DPYD: variants seen among roughly 807,000 people sequenced by gnomAD.
DPYD encodes the protein dihydropyrimidine dehydrogenase [NADP(+)].
In DPYD, 109 loss-of-function variants were observed where a neutral mutation model predicts 116.2. The observed-to-expected ratio is 0.94, with a 90% CI of 0.80 to 1.10. The LOEUF is 1.10. Ranked by LOEUF, DPYD falls within the 50% of genes least tolerant of loss-of-function variation. The pLI is 0.00. For missense variants in DPYD, 1,302 were observed against 1,254.5 expected (o/e 1.04, Z -0.57); for synonymous variants, 440 against 432.0 (o/e 1.02, Z -0.23).
chr1:97,880,622 T>G (rs890596158), intron 2 of DPYD, among the ~76,000 whole-genome samples: 2 of 151,986 alleles, frequency 1.3e-5, no homozygotes, highest in African/African-American at 4.8e-5. Context: ...AGATTACTAT[T>G]TTAACATAGA....
intron 8 of DPYD, among the ~76,000 whole-genome samples, chr1:97,664,760 T>C (rs902279832): frequency 2.6e-5 from 4 of 152,114 alleles, no homozygotes; most frequent in African/African-American, 7.2e-5. Flanking sequence ...TTTAAGATAA[T>C]GCTGCCTTTA....
intron 12 of DPYD, chr1:97,546,798 G>A: frequency 1.2e-6 from 2 of 1,612,960 alleles, no homozygotes; most frequent in South Asian, 1.1e-5. Flanking sequence ...ATATGGGTTT[G>A]GATCAGATTA....
intron 10 of DPYD, among the ~76,000 whole-genome samples, chr1:97,587,353 A>G (rs1262217099): frequency 1.3e-5 from 2 of 152,206 alleles, no homozygotes; most frequent in African/African-American, 4.8e-5. Context: ...ATTACCTTCC[A>G]TGAAGAACAC....
At chr1:97,406,578 G>A (rs1467932461) in intron 14 of DPYD, among the ~76,000 whole-genome samples, 2 of 101,578 alleles carry the variant, frequency 2.0e-5, no homozygotes, top group Non-Finnish European at 3.7e-5. Flanking sequence ...ACAGGCCCCA[G>A]TGTGTGATGT....
At chr1:97,140,543 C>T (rs1219165486) in intron 20 of DPYD, among the ~76,000 whole-genome samples, 1 of 152,102 alleles carries the variant, frequency 6.6e-6, no homozygotes, top group Non-Finnish European at 1.5e-5. Context: ...GCCATAAGAG[C>T]ACTACACAAT....
intron 6 of DPYD, among the ~76,000 whole-genome samples, chr1:97,692,891 T>C (rs1025410792): frequency 6.6e-6 from 1 of 152,160 alleles, no homozygotes; most frequent in Non-Finnish European, 1.5e-5. Flanking sequence ...GGATCATCAA[T>C]TGAAAAATCT....
At chr1:97,480,710 G>A (rs1178738213) in intron 13 of DPYD, among the ~76,000 whole-genome samples, 1 of 152,218 alleles carries the variant, frequency 6.6e-6, no homozygotes, top group Admixed American at 6.5e-5. Context: ...GCTGGGCACG[G>A]TGGCTCACGC....
chr1:97,871,101 T>C (rs1671637927), intron 2 of DPYD, among the ~76,000 whole-genome samples: 2 of 151,968 alleles, frequency 1.3e-5, no homozygotes, highest in African/African-American at 4.8e-5. Flanking sequence ...TGTTTCTTAT[T>C]TGCAAATACA....
chr1:97,523,618 A>G (rs1250538557), intron 12 of DPYD, among the ~76,000 whole-genome samples: 1 of 152,096 alleles, frequency 6.6e-6, no homozygotes, highest in Non-Finnish European at 1.5e-5. Context: ...CTCCTTCAAA[A>G]TATTTTTTGC....
chr1:97,415,217 T>C (rs1217306234), intron 14 of DPYD, among the ~76,000 whole-genome samples: 1 of 152,148 alleles, frequency 6.6e-6, no homozygotes, highest in African/African-American at 2.4e-5. Context: ...TCAACACACA[T>C]AGTTTTCAGA....
chr1:97,293,558 C>T (rs1223872376), intron 18 of DPYD, among the ~76,000 whole-genome samples: 1 of 152,212 alleles, frequency 6.6e-6, no homozygotes, highest in East Asian at 1.9e-4. Flanking sequence ...ACATCTAACA[C>T]ATAGTAAGAT....
chr1:97,294,663 TAGA>T (rs1666413171), intron 18 of DPYD, among the ~76,000 whole-genome samples: 1 of 152,194 alleles, frequency 6.6e-6, no homozygotes, highest in African/African-American at 2.4e-5. Flanking sequence ...GCATCACAGT[TAGA>T]CTGAGTGCTC....
At chr1:97,630,459 T>A (rs1337813214) in intron 8 of DPYD, among the ~76,000 whole-genome samples, 1 of 152,090 alleles carries the variant, frequency 6.6e-6, no homozygotes, top group Non-Finnish European at 1.5e-5. Context: ...TTGGGGTGCC[T>A]GCTCCTTCCT....
intron 8 of DPYD, among the ~76,000 whole-genome samples, chr1:97,609,891 GA>G (rs1655827473): frequency 6.6e-6 from 1 of 151,864 alleles, no homozygotes; most frequent in South Asian, 2.1e-4. Flanking sequence ...CTACATTTTG[GA>G]ATGATTTTAG....
chr1:97,342,464 T>G (rs969122219), intron 16 of DPYD, among the ~76,000 whole-genome samples: 19 of 152,208 alleles, frequency 1.2e-4, no homozygotes, highest in Admixed American at 4.6e-4. Context: ...TGAAACATTC[T>G]TATTACTTCA....
At chr1:97,540,545 A>G (rs75027277) in intron 12 of DPYD, among the ~76,000 whole-genome samples, 11,329 of 152,218 alleles carry the variant, frequency 0.074, 520 homozygotes, top group East Asian at 0.14. Flanking sequence ...CCTTCTTGGC[A>G]CACGGAAGCG....
chr1:97,183,408 G>C (rs1657780749), intron 20 of DPYD, among the ~76,000 whole-genome samples: 1 of 151,986 alleles, frequency 6.6e-6, no homozygotes, highest in Non-Finnish European at 1.5e-5. Context: ...AAAATCAATT[G>C]AGTGTATATG....
At chr1:97,809,041 G>T (rs1017513251) in intron 3 of DPYD, among the ~76,000 whole-genome samples, 9 of 152,128 alleles carry the variant, frequency 5.9e-5, no homozygotes, top group Non-Finnish European at 8.8e-5. Flanking sequence ...ATAAAGTCAT[G>T]GAGGCAGTAG....
At position 97,443,094 on chromosome 1, in the gene DPYD, A is replaced by C. The variant is rs949166005; in HGVS notation, c.1905+6965T>G. On this transcript the variant is annotated intron_variant, in intron 14 of 22. Coordinates refer to ENST00000370192, the MANE Select transcript of DPYD (RefSeq NM_000110.4). ...AGTCAGAGGAGATGTTGAGATTCAAATCTGTTCTGACTCTAAGCCCTCTGC... is the reference window on the plus strand; with the variant it reads ...AGTCAGAGGAGATGTTGAGATTCAACTCTGTTCTGACTCTAAGCCCTCTGC... Among the ~76,000 whole-genome samples the C allele has an allele frequency of 7.2e-5, 11 of 152,196 alleles. No individual in the cohort carries two copies. The East Asian group carries it at 2.1e-3, about 29-fold the overall frequency.
Sources: gnomAD v4.1 joint callset for allele counts (sites outside exome capture counted in the v4.1 genomes callset) on GRCh38, gnomAD v4.1.1 for gene constraint, MANE v1.5 for transcripts, NCBI Gene and HGNC (gene_info 2026-07-23, HGNC 2026-07-21) for gene names.